The following KLHDC4 variants were observed in gnomAD, a reference collection of about 807,000 sequenced individuals.
KLHDC4 encodes the protein kelch domain containing 4, also known as kelch domain-containing protein 4.
KLHDC4 carries 90 observed loss-of-function variants against 62.4 expected under a neutral mutation model. That is an observed-to-expected ratio of 1.44 (90% CI 1.22 to 1.72). KLHDC4 has a LOEUF of 1.72. Among genes scored for constraint, KLHDC4 ranks in the 40% most tolerant of loss-of-function variants. The pLI is 0.00. For missense variants in KLHDC4, 1,025 were observed against 699.7 expected (o/e 1.47, Z -5.25); for synonymous variants, 386 against 284.4 (o/e 1.36, Z -3.59).
intron 6 of KLHDC4, among the ~76,000 whole-genome samples, chr16:87,729,667 G>A (rs992110599): frequency 1.3e-5 from 2 of 152,356 alleles, no homozygotes; most frequent in East Asian, 1.9e-4. Context: ...CCAGCTGCAC[G>A]AACACCCACG....
In KLHDC4 at chr16:87,714,502, T is replaced by C. The variant is rs1474624326; in HGVS notation, c.831A>G (p.Arg277=). 6.2e-7 allele frequency: 1 copy of C among 1,614,144 alleles called. No homozygotes were observed. Among genetic ancestry groups the C allele is most frequent in the Admixed American group, 1.7e-5 (1 of 60,028 alleles). ...CTGGAGGCACAGCACCTCTACCTTC[T>C]CTTCCGTCCTCTGGCTTCAGCAGGA... ...DMFLLKPEDG[R]EDKWVWTRMN... The change falls in exon 8 of 12, where the codon AGA becomes AGG. Residue 277 remains arginine, a synonymous_variant. Coordinates refer to ENST00000270583, the MANE Select transcript of KLHDC4 (RefSeq NM_017566.4).
intron 9 of KLHDC4, chr16:87,710,336 C>T (rs1465080500): frequency 1.3e-5 from 2 of 152,310 alleles, no homozygotes; most frequent in Non-Finnish European, 2.9e-5. Flanking sequence ...TGACATTTGC[C>T]AGGTTATTTC....
chr16:87,707,158 G>A (rs1186800926), downstream of KLHDC4, among the ~76,000 whole-genome samples: 1 of 152,226 alleles, frequency 6.6e-6, no homozygotes, highest in East Asian at 1.9e-4. Context: ...ATCCGAATTG[G>A]CCTTCAGTCT....
intron 7 of KLHDC4, among the ~76,000 whole-genome samples, chr16:87,724,279 A>G (rs1274427295): frequency 1.3e-5 from 2 of 152,240 alleles, no homozygotes; most frequent in Non-Finnish European, 2.9e-5. Flanking sequence ...TCATTTTTAG[A>G]GAAAAATAAA....
chr16:87,760,325 G>C (rs1265260572), intron 2 of KLHDC4, among the ~76,000 whole-genome samples: 1 of 150,962 alleles, frequency 6.6e-6, no homozygotes, highest in African/African-American at 2.4e-5. Flanking sequence ...AGTCTCTACA[G>C]GGCCGGGCAC....
chr16:87,747,055 G>A (rs900246834), intron 5 of KLHDC4, among the ~76,000 whole-genome samples: 4 of 152,210 alleles, frequency 2.6e-5, no homozygotes, highest in Non-Finnish European at 5.9e-5. Flanking sequence ...AAGTGACCAG[G>A]TACCCACAGT....
chr16:87,729,177 A>G (rs1021113745), intron 6 of KLHDC4: 1 of 152,190 alleles, frequency 6.6e-6, no homozygotes, highest in African/African-American at 2.4e-5. Context: ...AAAATTAATG[A>G]GACTATATCA....
chr16:87,764,584 G>A (rs1339318479), intron 1 of KLHDC4, among the ~76,000 whole-genome samples: 1 of 145,960 alleles, frequency 6.9e-6, no homozygotes, highest in Non-Finnish European at 1.5e-5. Flanking sequence ...GGGAGGCGGA[G>A]GTGCAGTGAG....
rs1277966719 is a variant in KLHDC4 at position 87,756,386 on chromosome 16, A to C, written c.270+13T>G. On this transcript the variant is annotated intron_variant, in intron 3 of 11. Coordinates refer to ENST00000270583, the MANE Select transcript of KLHDC4 (RefSeq NM_017566.4). ...CGCAACATGGGAAGAAAAGAAAAAA[A>C]TATATACTTTACTTTTTGGCCGTTG... 1 of 1,590,250 alleles carries C rather than the reference A, an allele frequency of 6.3e-7. No homozygotes were observed. The highest frequency in any genetic ancestry group is 8.6e-7 in the Non-Finnish European group (1 of 1,158,666).
chr16:87,764,192 G>C (rs1242715060), intron 1 of KLHDC4, among the ~76,000 whole-genome samples: 2 of 152,184 alleles, frequency 1.3e-5, no homozygotes, highest in African/African-American at 2.4e-5. Flanking sequence ...TCCTCTGTGG[G>C]TCTAGCCTAA....
At chr16:87,740,776 G>T (rs545095057) in intron 5 of KLHDC4, 1 of 152,222 alleles carries the variant, frequency 6.6e-6, no homozygotes, top group South Asian at 2.1e-4. Context: ...TAACACCACT[G>T]CCCTGAGCAC....
At chr16:87,726,069 A>G (rs1279243687) in intron 7 of KLHDC4, among the ~76,000 whole-genome samples, 1 of 152,070 alleles carries the variant, frequency 6.6e-6, no homozygotes, top group African/African-American at 2.4e-5. Flanking sequence ...TCTATTTCTA[A>G]TTCTATACAA....
At chr16:87,741,017 T>G (rs1466975254) in intron 5 of KLHDC4, 1 of 152,084 alleles carries the variant, frequency 6.6e-6, no homozygotes, top group African/African-American at 2.4e-5. Flanking sequence ...CTCCCGCACG[T>G]GAGTTTTGGT....
intron 5 of KLHDC4, among the ~76,000 whole-genome samples, chr16:87,734,322 C>A (rs773451473): frequency 2.6e-5 from 4 of 151,618 alleles, no homozygotes; most frequent in Non-Finnish European, 5.9e-5. Flanking sequence ...CCAGTCTGGG[C>A]GATAGAGCAA....
At chr16:87,761,341 G>A (rs1191315724) in intron 2 of KLHDC4, among the ~76,000 whole-genome samples, 2 of 152,116 alleles carry the variant, frequency 1.3e-5, no homozygotes, top group African/African-American at 4.8e-5. Context: ...CTCCACTCCC[G>A]ATGGGCTGAA....
intron 7 of KLHDC4, among the ~76,000 whole-genome samples, chr16:87,723,462 T>C (rs929431795): frequency 4.3e-4 from 65 of 152,388 alleles, no homozygotes; most frequent in Non-Finnish European, 7.6e-4. Context: ...TTCACCGTCC[T>C]GCTGCACTCT....
rs190928931 is a variant in KLHDC4, at chr16:87,709,014, C to T, written c.1447+251G>A. ...CTGTGGACGGAGCAGCAGATGCACC[C>T]GTGTCCTGTGCCGCCAGAGCCGCAG... On this transcript the variant is annotated intron_variant, in intron 10 of 11. Transcript: ENST00000270583. 2.2e-3 allele frequency among the ~76,000 whole-genome samples: 333 copies of T among 152,376 alleles called. 8 individuals carry two copies. The highest frequency in any genetic ancestry group is 7.8e-4 in the Non-Finnish European group (53 of 68,032).
At chr16:87,719,042 C>T (rs571096612) in intron 7 of KLHDC4, among the ~76,000 whole-genome samples, 1 of 151,454 alleles carries the variant, frequency 6.6e-6, no homozygotes, top group South Asian at 2.1e-4. Context: ...CCACCCCATC[C>T]GGGAGGTGGG....
chr16:87,714,269 CTCAG>C (rs1285635726), intron 8 of KLHDC4: 1 of 543,070 alleles, frequency 1.8e-6, no homozygotes, highest in Non-Finnish European at 2.3e-6. Flanking sequence ...GCCCGTGCTT[CTCAG>C]TCAGTCCATC....
Sources: gnomAD v4.1 joint callset for allele counts (sites outside exome capture counted in the v4.1 genomes callset) on GRCh38, gnomAD v4.1.1 for gene constraint, MANE v1.5 for transcripts, NCBI Gene and HGNC (gene_info 2026-07-23, HGNC 2026-07-21) for gene names.